The following PTPRK variants were observed in gnomAD, a reference collection of about 807,000 sequenced individuals.
The protein encoded by PTPRK is receptor-type tyrosine-protein phosphatase kappa.
A neutral mutation model predicts 178.0 loss-of-function variants in PTPRK; 75 were observed. That is an observed-to-expected ratio of 0.42 (90% CI 0.35 to 0.51). PTPRK has a LOEUF of 0.51. Ranked by LOEUF, PTPRK falls within the 20% of genes least tolerant of loss-of-function variation. PTPRK has a pLI of 0.02. For missense variants in PTPRK, 1,441 were observed against 1,797.8 expected (o/e 0.80, Z 3.59); for synonymous variants, 637 against 620.6 (o/e 1.03, Z -0.39).
chr6:128,379,982 A>G (rs770488531), intron 2 of PTPRK, among the ~76,000 whole-genome samples: 17 of 152,170 alleles, frequency 1.1e-4, no homozygotes, highest in Admixed American at 2.6e-4. Context: ...GAAAAACACA[A>G]TGCTCAAAGT....
intron 1 of PTPRK, among the ~76,000 whole-genome samples, chr6:128,410,534 C>G (rs1330989140): frequency 6.6e-6 from 1 of 152,140 alleles, no homozygotes; most frequent in Non-Finnish European, 1.5e-5. Context: ...ATTATTTCTA[C>G]CAAAACATTA....
chr6:128,087,445 A>G (rs1288093246), intron 8 of PTPRK, among the ~76,000 whole-genome samples: 1 of 152,190 alleles, frequency 6.6e-6, no homozygotes, highest in African/African-American at 2.4e-5. Flanking sequence ...AAGAAAAGAT[A>G]GAAATTTTTT....
At chr6:127,982,234 C>A (rs1010688093) in intron 24 of PTPRK, among the ~76,000 whole-genome samples, 1 of 152,072 alleles carries the variant, frequency 6.6e-6, no homozygotes, top group African/African-American at 2.4e-5. Context: ...TAAATACACA[C>A]TAAATACACA....
intron 13 of PTPRK, among the ~76,000 whole-genome samples, chr6:128,026,304 A>C (rs962129387): frequency 1.3e-5 from 2 of 152,168 alleles, no homozygotes; most frequent in African/African-American, 2.4e-5. Context: ...GGTCTGGCAA[A>C]ACTTTCTCCT....
At chr6:128,262,581 A>T (rs1818332285) in intron 3 of PTPRK, among the ~76,000 whole-genome samples, 1 of 152,092 alleles carries the variant, frequency 6.6e-6, no homozygotes, top group African/African-American at 2.4e-5. Flanking sequence ...TGGAGGGGGC[A>T]AGGCAAAGAA....
chr6:128,155,701 C>A (rs567463447), intron 7 of PTPRK, among the ~76,000 whole-genome samples: 100 of 151,772 alleles, frequency 6.6e-4, no homozygotes, highest in African/African-American at 2.2e-3. Flanking sequence ...TTGTTTCAAT[C>A]TTTTTATTTT....
intron 3 of PTPRK, among the ~76,000 whole-genome samples, chr6:128,265,499 T>C (rs1479756066): frequency 6.6e-6 from 1 of 152,122 alleles, no homozygotes; most frequent in Admixed American, 6.6e-5. Flanking sequence ...GGGGCAATAT[T>C]ACTGATGAAG....
At chr6:128,403,562 C>T (rs1195736733) in intron 1 of PTPRK, among the ~76,000 whole-genome samples, 1 of 151,902 alleles carries the variant, frequency 6.6e-6, no homozygotes, top group Non-Finnish European at 1.5e-5. Flanking sequence ...ATGTCAAGCT[C>T]CTAACACCCA....
intron 21 of PTPRK, among the ~76,000 whole-genome samples, chr6:127,990,404 T>C (rs1431648265): frequency 6.6e-6 from 1 of 152,156 alleles, no homozygotes; most frequent in African/African-American, 2.4e-5. Flanking sequence ...AATGAGTTTT[T>C]CTTTGATCAT....
chr6:128,021,634 C>T (rs139636008), intron 13 of PTPRK, among the ~76,000 whole-genome samples: 2,589 of 151,876 alleles, frequency 0.017, 85 homozygotes, highest in African/African-American at 0.06. Context: ...AGCGAGACTC[C>T]GTCTCAAAAA....
In PTPRK at chr6:128,184,789, T is replaced by C. The variant is rs1211231365; in HGVS notation, c.869-64A>G. ...AAAATAATACAAAGATATATTAGTG[T>C]CTAATAAGGCCTAAATGCTTAATGG... On this transcript the variant is annotated intron_variant, in intron 6 of 29. Coordinates refer to ENST00000368226, the MANE Select transcript of PTPRK (RefSeq NM_002844.4). 5.5e-6 allele frequency: 8 copies of C among 1,462,236 alleles called. No individual in the cohort carries two copies. The African/African-American group carries it at 1.1e-4, about 21-fold the overall frequency. 90.6% of individuals were successfully genotyped at this position (1,462,236 alleles called of 1,614,324 possible). A position where few individuals can be genotyped will look rare whatever the true frequency, so the allele number is the denominator to read the frequency against.
intron 2 of PTPRK, among the ~76,000 whole-genome samples, chr6:128,389,095 G>A (rs1428109825): frequency 6.6e-6 from 1 of 152,080 alleles, no homozygotes; most frequent in African/African-American, 2.4e-5. Flanking sequence ...GATGCTGTGA[G>A]CATTTCTAAG....
At chr6:128,045,183 T>C (rs1001807995) in intron 13 of PTPRK, among the ~76,000 whole-genome samples, 34 of 152,190 alleles carry the variant, frequency 2.2e-4, no homozygotes, top group Admixed American at 1.6e-3. Context: ...TACTTACGTA[T>C]AGTATACATA....
chr6:128,109,163 A>G (rs1477692941), intron 7 of PTPRK, among the ~76,000 whole-genome samples: 2 of 152,226 alleles, frequency 1.3e-5, no homozygotes, highest in Non-Finnish European at 1.5e-5. Flanking sequence ...TTAGAGTAGC[A>G]AAATGCAAAT....
At chr6:128,444,882 G>T (rs2128402182) in intron 1 of PTPRK, among the ~76,000 whole-genome samples, 1 of 152,226 alleles carries the variant, frequency 6.6e-6, no homozygotes, top group African/African-American at 2.4e-5. Context: ...TGAGAGAAAA[G>T]ATAAGAATTT....
intron 2 of PTPRK, among the ~76,000 whole-genome samples, chr6:128,383,434 G>A (rs1258771966): frequency 2.6e-5 from 4 of 152,014 alleles, no homozygotes; most frequent in African/African-American, 9.7e-5. Flanking sequence ...ATTCATCTAC[G>A]TTAAAAAGCT....
rs550066786 is a variant in PTPRK, at chr6:128,456,427, T to C, written c.101-58739A>G. On this transcript the variant is annotated intron_variant, in intron 1 of 29. Transcript: ENST00000368226. ...ATTTGTAAGTAGGAATCAAATGTAA[T>C]TGTTTACCCTGAGTAAAAAAAATGA... Among the ~76,000 whole-genome samples, 3 of 152,038 alleles carry C rather than the reference T, an allele frequency of 2.0e-5. No homozygotes were observed. The South Asian group carries it at 6.3e-4, about 32-fold the overall frequency.
At chr6:128,190,042 C>T (rs1317851632) in intron 6 of PTPRK, among the ~76,000 whole-genome samples, 2 of 152,104 alleles carry the variant, frequency 1.3e-5, no homozygotes, top group Non-Finnish European at 2.9e-5. Flanking sequence ...CCTTTGCTCC[C>T]ATAACAAACA....
Position 128,334,110 on chromosome 6 carries a change from G to A in PTPRK, c.224-11800C>T, listed in dbSNP as rs180756332. On this transcript the variant is annotated intron_variant, in intron 2 of 29. Transcript: ENST00000368226. The stretch of plus-strand genomic sequence containing the variant: ...ATCTTATACGGGAGCTGTTCGTGGT[G>A]CATGAAAAAATTACAACAGTAACAT... Among the ~76,000 whole-genome samples, 5 of 152,174 alleles carry A rather than the reference G, an allele frequency of 3.3e-5. No individual in the cohort carries two copies. The South Asian group carries it at 1.0e-3, about 32-fold the overall frequency.
Sources: gnomAD v4.1 joint callset for allele counts (sites outside exome capture counted in the v4.1 genomes callset) on GRCh38, gnomAD v4.1.1 for gene constraint, MANE v1.5 for transcripts, NCBI Gene and HGNC (gene_info 2026-07-23, HGNC 2026-07-21) for gene names.